RIN2: variants seen among roughly 807,000 people sequenced by gnomAD.
The protein encoded by RIN2 is Ras and Rab interactor 2.
A neutral mutation model predicts 78.0 loss-of-function variants in RIN2; 36 were observed. That is an observed-to-expected ratio of 0.46 (90% CI 0.35 to 0.61). The LOEUF (loss-of-function observed/expected upper bound fraction) is 0.61, where lower values mean the gene tolerates loss of function less well. Among genes scored for constraint, RIN2 ranks in the 20% least tolerant of loss-of-function variants. RIN2 has a pLI of 0.00. For missense variants in RIN2, 1,087 were observed against 1,159.7 expected, an observed-to-expected ratio of 0.94 and a Z score of 0.91; for synonymous variants, 466 against 466.8, an observed-to-expected ratio of 1.00 and a Z score of 0.02.
chr20:19,802,377 G>A (rs2035267510), intron 2 of RIN2, among the ~76,000 whole-genome samples: 1 of 151,658 alleles, frequency 6.6e-6, no homozygotes, highest in African/African-American at 2.4e-5. Flanking sequence ...GCTCATGTCT[G>A]TAATCTCAGC....
intron 2 of RIN2, among the ~76,000 whole-genome samples, chr20:19,806,448 G>A (rs1053016913): frequency 5.3e-5 from 8 of 152,164 alleles, no homozygotes; most frequent in African/African-American, 1.7e-4. Flanking sequence ...AAAAAGCAAC[G>A]ATGAACATCA....
chr20:19,993,470 A>G (rs907983174), intron 11 of RIN2, among the ~76,000 whole-genome samples: 1 of 151,724 alleles, frequency 6.6e-6, no homozygotes, highest in African/African-American at 2.4e-5. Context: ...TTCCTGTCGG[A>G]GGGACCGCCC....
At chr20:19,942,484 A>C (rs191324271) in intron 4 of RIN2, among the ~76,000 whole-genome samples, 4 of 152,284 alleles carry the variant, frequency 2.6e-5, no homozygotes, top group East Asian at 3.9e-4. Flanking sequence ...CAAAAGTAAA[A>C]CGTGTACATG....
chr20:19,762,991 C>T (rs975199480), intron 1 of RIN2, among the ~76,000 whole-genome samples: 2 of 152,084 alleles, frequency 1.3e-5, no homozygotes, highest in African/African-American at 4.8e-5. Flanking sequence ...TCTCGAACTC[C>T]TGACCTCGGG....
chr20:19,990,257 A>ATGC lies in RIN2; in HGVS notation c.2024_2026dup (p.Leu675dup). 6.2e-7 allele frequency: 1 copy of ATGC among 1,613,656 alleles called. No homozygotes were observed. The highest frequency in any genetic ancestry group is 8.5e-7 in the Non-Finnish European group (1 of 1,179,788). ...GATGTATTCGCCGGAAAAGAAGGTCATGCTGCTGCTGCGGGTCTGCAAGCT... is the reference window on the plus strand; with the variant it reads ...GATGTATTCGCCGGAAAAGAAGGTCATGCTGCTGCTGCTGCGGGTCTGCAAGCT... On this transcript the variant is annotated inframe_insertion, in exon 10 of 13. Coordinates refer to ENST00000255006, the MANE Select transcript of RIN2 (RefSeq NM_018993.4).
rs371091159 is a variant in RIN2 at position 19,788,358 on chromosome 20, G to T, written c.-162-11264G>T. On this transcript the variant is annotated intron_variant, in intron 1 of 12. Coordinates refer to ENST00000255006, the MANE Select transcript of RIN2 (RefSeq NM_018993.4). The stretch of plus-strand genomic sequence containing the variant: ...GCCTGTAATCCCAGCACTTTGGGGG[G>T]CTGAGGCAGGCAGATCACTTAAAGT... 2.1e-4 allele frequency among the ~76,000 whole-genome samples: 32 copies of T among 149,050 alleles called. No individual in the cohort carries two copies. The South Asian group carries it at 3.8e-3, about 18-fold the overall frequency.
Position 19,990,071 on chromosome 20 carries a change from A to G in RIN2, c.1828A>G (p.Met610Val), listed in dbSNP as rs749119126. ...GCCCCTCAAGGGGCACGTGGAGGCC[A>G]TGCTGAAGGACTTTCACATGGCCGA... Reference protein sequence around the residue: ...LKPLKGHVEAMLKDFHMADGS... With the variant: ...LKPLKGHVEAVLKDFHMADGS... Residue 610 changes from methionine (M) to valine (V), a missense_variant, in exon 10 of 13, where the codon ATG becomes GTG. This residue lies in a region of RIN2 where 97 missense variants were observed against 104.8 expected (regional missense o/e 0.93). Coordinates refer to ENST00000255006, the MANE Select transcript of RIN2 (RefSeq NM_018993.4). 3 of 1,598,944 alleles carry G rather than the reference A, an allele frequency of 1.9e-6. No homozygotes were observed. The highest frequency in any genetic ancestry group is 2.3e-5 in the South Asian group (2 of 88,438).
intron 1 of RIN2, among the ~76,000 whole-genome samples, chr20:19,763,106 C>G (rs765078163): frequency 6.1e-4 from 93 of 152,052 alleles, no homozygotes; most frequent in Non-Finnish European, 1.0e-3. Context: ...AAGTCCTGGC[C>G]AGGTGCAGTG....
rs1018173136 is a variant in RIN2, at chr20:19,854,219, G to T, written c.-36-35347G>T. ...GTGTGGTATTACTTCTGAGGGCTCT[G>T]TTCTGTTCCATTGGTCTATATCTCT... On this transcript the variant is annotated intron_variant, in intron 2 of 12. Coordinates refer to ENST00000255006, the MANE Select transcript of RIN2 (RefSeq NM_018993.4). Among the ~76,000 whole-genome samples, 4 of 152,128 alleles carry T rather than the reference G, an allele frequency of 2.6e-5. No individual in the cohort carries two copies. The South Asian group carries it at 6.2e-4, about 24-fold the overall frequency.
In RIN2 at chr20:19,927,019, A is replaced by G. The variant is rs144246633; in HGVS notation, c.58-8080A>G. Among the ~76,000 whole-genome samples, 385 of 152,278 alleles carry G rather than the reference A, an allele frequency of 2.5e-3. 1 individual carries two copies. The highest frequency in any genetic ancestry group is 7.1e-3 in the African/African-American group (295 of 41,556). On this transcript the variant is annotated intron_variant, in intron 3 of 12. Transcript: ENST00000255006. ...GCATACAACAACTTTTCTCTCTATT[A>G]GGGGAAATTCAGCGCCTAGTGGGCA...
chr20:19,900,096 ATTCTT>A (rs2038913532), intron 3 of RIN2, among the ~76,000 whole-genome samples: 1 of 152,198 alleles, frequency 6.6e-6, no homozygotes. Context: ...GTTCCAACCA[ATTCTT>A]GTCATGCAAG....
chr20:19,845,779 G>A (rs754417293), intron 2 of RIN2, among the ~76,000 whole-genome samples: 8 of 152,066 alleles, frequency 5.3e-5, no homozygotes, highest in Non-Finnish European at 1.2e-4. Context: ...TGCTTTTGGT[G>A]TTTTAGTCAT....
chr20:19,865,144 C>G (rs1346621462), intron 2 of RIN2, among the ~76,000 whole-genome samples: 7 of 152,262 alleles, frequency 4.6e-5, no homozygotes, highest in African/African-American at 1.7e-4. Context: ...AATACTCCAA[C>G]CATAATCATC....
intron 2 of RIN2, among the ~76,000 whole-genome samples, chr20:19,886,264 G>A (rs2038184789): frequency 1.3e-5 from 2 of 152,344 alleles, no homozygotes; most frequent in South Asian, 2.1e-4. Flanking sequence ...AGAATGGGTT[G>A]GGGAGCCAGC....
intron 1 of RIN2, among the ~76,000 whole-genome samples, chr20:19,782,532 G>A (rs375480173): frequency 2.0e-5 from 3 of 151,364 alleles, no homozygotes; most frequent in African/African-American, 7.3e-5. Flanking sequence ...CTCCAGCCTG[G>A]GCGACAGAGC....
intron 3 of RIN2, among the ~76,000 whole-genome samples, chr20:19,892,610 C>G (rs2038529707): frequency 6.6e-6 from 1 of 152,176 alleles, no homozygotes; most frequent in African/African-American, 2.4e-5. Flanking sequence ...CTCCCAGGCT[C>G]AAGCAATCCT....
chr20:19,942,040 A>G (rs778599651), intron 4 of RIN2, among the ~76,000 whole-genome samples: 49 of 150,944 alleles, frequency 3.2e-4, no homozygotes, highest in Middle Eastern at 3.4e-3. Flanking sequence ...AACCTGAAAG[A>G]TGGAGGTTGT....
intron 9 of RIN2, among the ~76,000 whole-genome samples, chr20:19,977,901 T>A (rs567818945): frequency 7.9e-5 from 12 of 152,062 alleles, no homozygotes; most frequent in Non-Finnish European, 1.8e-4. Context: ...GTTCCTCCTG[T>A]TTCTTCACCA....
At chr20:19,806,081 G>C (rs1428351290) in intron 2 of RIN2, among the ~76,000 whole-genome samples, 1 of 152,138 alleles carries the variant, frequency 6.6e-6, no homozygotes, top group Non-Finnish European at 1.5e-5. Context: ...GTATTCTATG[G>C]TGTATATGTG....
Sources: gnomAD v4.1 joint callset for allele counts (sites outside exome capture counted in the v4.1 genomes callset) on GRCh38, gnomAD v4.1.1 for gene constraint, gnomAD v4.1.1 regional missense constraint, MANE v1.5 for transcripts, NCBI Gene and HGNC (gene_info 2026-07-23, HGNC 2026-07-21) for gene names.